The following PRKG1 variants were observed in gnomAD, a reference collection of about 807,000 sequenced individuals.
PRKG1 encodes the protein cGMP-dependent protein kinase 1.
PRKG1 carries 35 observed loss-of-function variants against 88.1 expected under a neutral mutation model. The ratio of observed to expected loss-of-function variants is 0.40; its 90% confidence interval spans 0.30 to 0.53. PRKG1 has a LOEUF of 0.53. Among genes scored for constraint, PRKG1 ranks in the 20% least tolerant of loss-of-function variants. PRKG1 has a pLI of 0.59. For missense variants in PRKG1, 540 were observed against 839.8 expected (o/e 0.64, Z 4.41); for synonymous variants, 303 against 292.5 (o/e 1.04, Z -0.37).
intron 2 of PRKG1, among the ~76,000 whole-genome samples, chr10:51,238,476 GGAGGCT>G (rs1839059812): frequency 6.6e-6 from 1 of 152,152 alleles, no homozygotes; most frequent in Non-Finnish European, 1.5e-5. Context: ...CAGCTACTCA[GGAGGCT>G]GAGGCAGGAG....
At chr10:52,226,613 C>G in intron 9 of PRKG1, among the ~76,000 whole-genome samples, 1 of 152,102 alleles carries the variant, frequency 6.6e-6, no homozygotes, top group East Asian at 1.9e-4. Flanking sequence ...ATAGGCCAAA[C>G]CTGCCCCAAG....
At chr10:51,041,025 GC>G (rs1843413523) in intron 1 of PRKG1, among the ~76,000 whole-genome samples, 2 of 151,898 alleles carry the variant, frequency 1.3e-5, no homozygotes, top group Admixed American at 1.3e-4. Flanking sequence ...GGCTGAGCTG[GC>G]ACCCAAGCAA....
At chr10:51,055,645 A>G (rs1843617912) in intron 1 of PRKG1, among the ~76,000 whole-genome samples, 1 of 151,986 alleles carries the variant, frequency 6.6e-6, no homozygotes, top group Admixed American at 6.6e-5. Flanking sequence ...AGGCTGAGGC[A>G]GGAGAATGGC....
chr10:51,776,808 G>A (rs985926216), intron 3 of PRKG1, among the ~76,000 whole-genome samples: 1 of 152,082 alleles, frequency 6.6e-6, no homozygotes, highest in African/African-American at 2.4e-5. Context: ...CTGGGTGACA[G>A]AGCAAGACTC....
rs370461730 is a variant in PRKG1 at position 52,072,036 on chromosome 10, G to A, written c.935+9405G>A. 7.2e-5 allele frequency among the ~76,000 whole-genome samples: 11 copies of A among 151,928 alleles called. 1 individual carries two copies. In the East Asian group the frequency reaches 1.9e-3, roughly 27 times the overall value. On this transcript the variant is annotated intron_variant, in intron 7 of 17. Coordinates refer to ENST00000373980, the MANE Select transcript of PRKG1 (RefSeq NM_006258.4). ...GACTCAGTCCCAGTCGCCCTCTCCCGTGGGGCCATCACCAGGCTCCTTCAC... is the reference window on the plus strand; with the variant it reads ...GACTCAGTCCCAGTCGCCCTCTCCCATGGGGCCATCACCAGGCTCCTTCAC...
rs567879888 is a variant in PRKG1 at position 52,130,979 on chromosome 10, C to T, written c.936-2861C>T. 5.3e-5 allele frequency among the ~76,000 whole-genome samples: 8 copies of T among 152,234 alleles called. 1 individual carries two copies. The highest frequency in any genetic ancestry group is 1.3e-4 in the Admixed American group (2 of 15,278). ...TGGGCCAGGCACTATGTTAAACTTA[C>T]GTTTGATTATCTCACTTAATACCAC... On this transcript the variant is annotated intron_variant, in intron 7 of 17. Coordinates refer to ENST00000373980, the MANE Select transcript of PRKG1 (RefSeq NM_006258.4).
rs74132881 is a variant in PRKG1 at position 51,986,925 on chromosome 10, A to C, written c.763-67559A>C. 9.6e-3 allele frequency among the ~76,000 whole-genome samples: 1,459 copies of C among 152,258 alleles called. 25 individuals carry two copies. Among genetic ancestry groups the C allele is most frequent in the African/African-American group, 0.033 (1,390 of 41,542 alleles). Reference sequence around the variant, plus strand: ...AAAAGAACTCTTCAGGGAGATGGGGAAGTCTGTCAAGATTTTTTTTTCAGT... The same window carrying C: ...AAAAGAACTCTTCAGGGAGATGGGGCAGTCTGTCAAGATTTTTTTTTCAGT... On this transcript the variant is annotated intron_variant, in intron 5 of 17. Transcript: ENST00000373980.
At chr10:51,003,000 G>C (rs1842904633) in intron 1 of PRKG1, among the ~76,000 whole-genome samples, 2 of 152,118 alleles carry the variant, frequency 1.3e-5, no homozygotes. Flanking sequence ...TTGAAATTCT[G>C]TGATATATTT....
chr10:51,323,074 C>T (rs1488807373), intron 2 of PRKG1, among the ~76,000 whole-genome samples: 1 of 152,106 alleles, frequency 6.6e-6, no homozygotes, highest in Non-Finnish European at 1.5e-5. Flanking sequence ...AATAGATGCT[C>T]AGTGATGTTA....
chr10:51,571,293 A>C (rs1222129638), intron 3 of PRKG1, among the ~76,000 whole-genome samples: 1 of 151,914 alleles, frequency 6.6e-6, no homozygotes, highest in African/African-American at 2.4e-5. Flanking sequence ...AACAACACTG[A>C]ATTAGTAGAC....
intron 1 of PRKG1, among the ~76,000 whole-genome samples, chr10:51,133,447 T>C (rs1439192833): frequency 2.0e-5 from 3 of 152,130 alleles, no homozygotes; most frequent in African/African-American, 4.8e-5. Flanking sequence ...ATCCCAGAGA[T>C]AGGTGTTGTT....
intron 1 of PRKG1, among the ~76,000 whole-genome samples, chr10:51,102,118 C>T (rs1029030890): frequency 6.6e-6 from 1 of 152,174 alleles, no homozygotes; most frequent in Admixed American, 6.5e-5. Flanking sequence ...GTGAGTAGCA[C>T]ACCTCGTGTA....
chr10:52,176,750 A>G (rs1838878774), intron 9 of PRKG1, among the ~76,000 whole-genome samples: 1 of 151,960 alleles, frequency 6.6e-6, no homozygotes, highest in Non-Finnish European at 1.5e-5. Context: ...AATTTATTCC[A>G]GGTATTTTAT....
intron 2 of PRKG1, among the ~76,000 whole-genome samples, chr10:51,219,126 A>G (rs1000756511): frequency 6.6e-6 from 1 of 152,232 alleles, no homozygotes; most frequent in African/African-American, 2.4e-5. Context: ...GAGTAGTATC[A>G]GCTGATAATT....
At chr10:51,795,844 C>T (rs1339700675) in intron 3 of PRKG1, among the ~76,000 whole-genome samples, 4 of 152,042 alleles carry the variant, frequency 2.6e-5, no homozygotes, top group Non-Finnish European at 2.9e-5. Flanking sequence ...AATTTCTGGT[C>T]TATTTAGAAA....
intron 5 of PRKG1, among the ~76,000 whole-genome samples, chr10:52,036,113 TA>T (rs1332744536): frequency 6.6e-6 from 1 of 152,068 alleles, no homozygotes; most frequent in East Asian, 1.9e-4. Context: ...ATTGAAGTAA[TA>T]GGGGCTGTCT....
At chr10:51,369,588 A>G (rs959970438) in intron 2 of PRKG1, among the ~76,000 whole-genome samples, 3 of 152,076 alleles carry the variant, frequency 2.0e-5, no homozygotes, top group African/African-American at 7.2e-5. Context: ...AGAGTTAGTA[A>G]TTCCCCAAGG....
intron 2 of PRKG1, among the ~76,000 whole-genome samples, chr10:51,183,541 A>C (rs1219375410): frequency 9.9e-6 from 1 of 101,372 alleles, no homozygotes; most frequent in Non-Finnish European, 1.9e-5. Context: ...ACCCTATGGG[A>C]TATGTTGTAT....
At chr10:51,893,641 G>T (rs1358285497) in intron 4 of PRKG1, among the ~76,000 whole-genome samples, 1 of 152,136 alleles carries the variant, frequency 6.6e-6, no homozygotes, top group East Asian at 1.9e-4. Context: ...TCTATATTAA[G>T]TATAGCATTA....
Sources: allele counts gnomAD v4.1 joint callset (sites outside exome capture counted in the v4.1 genomes callset), GRCh38; gene constraint gnomAD v4.1.1; transcripts MANE v1.5; gene names NCBI Gene and HGNC (gene_info 2026-07-23, HGNC 2026-07-21).